The following ZNF829 variants were observed in gnomAD, a reference collection of about 807,000 sequenced individuals.
The protein encoded by ZNF829 is zinc finger protein 829.
ZNF829 carries 25 observed loss-of-function variants against 35.2 expected under a neutral mutation model. The ratio of observed to expected loss-of-function variants is 0.71; its 90% confidence interval spans 0.52 to 0.99. The LOEUF is 0.99. Among genes scored for constraint, ZNF829 ranks in the 50% least tolerant of loss-of-function variants. The probability of loss-of-function intolerance (pLI) is 0.00; values close to 1 mark genes in which losing one functional copy is unlikely to be tolerated. For synonymous variants in ZNF829, 136 were observed against 163.2 expected (o/e 0.83, Z 1.27); for missense variants, 417 against 515.3 (o/e 0.81, Z 1.85).
rs936100285 is a variant in ZNF829, at chr19:36,891,172, T to C, written c.*320A>G. 3.8e-5 allele frequency: 9 copies of C among 233,772 alleles called. No homozygotes were observed. The East Asian group carries it at 5.5e-4, about 14-fold the overall frequency. 14.5% of individuals were successfully genotyped at this position (233,772 alleles called of 1,614,324 possible). A position where few individuals can be genotyped will look rare whatever the true frequency, so the allele number is the denominator to read the frequency against. On this transcript the variant is annotated 3_prime_UTR_variant, in exon 6 of 6. Coordinates refer to ENST00000391711, the MANE Select transcript of ZNF829 (RefSeq NM_001037232.4). ...TGGAGGCAGAGATTGGAATGGTGTATGTAAAAGCCATGGAATGCCAAGGAC... is the reference window on the plus strand; with the variant it reads ...TGGAGGCAGAGATTGGAATGGTGTACGTAAAAGCCATGGAATGCCAAGGAC...
chr19:36,901,782 G>C, intron 5 of ZNF829: 1 of 579,920 alleles, frequency 1.7e-6, no homozygotes, highest in Non-Finnish European at 3.2e-6. Flanking sequence ...AAAAAGGGCC[G>C]TTCTGCCATC....
chr19:36,897,136 A>G (rs2073120513), intron 5 of ZNF829, among the ~76,000 whole-genome samples: 2 of 152,196 alleles, frequency 1.3e-5, no homozygotes, highest in South Asian at 4.1e-4. Flanking sequence ...ATTACAAATA[A>G]CTAACCTCAG....
At chr19:36,900,870 TAAC>T (rs2073159709) in intron 5 of ZNF829, among the ~76,000 whole-genome samples, 1 of 136,428 alleles carries the variant, frequency 7.3e-6, no homozygotes, top group Admixed American at 7.2e-5. Flanking sequence ...AAAAAAAAGA[TAAC>T]AAGTGTTAGC....
At chr19:36,900,355 C>T (rs1340612054) in intron 5 of ZNF829, among the ~76,000 whole-genome samples, 2 of 139,548 alleles carry the variant, frequency 1.4e-5, no homozygotes, top group Non-Finnish European at 1.5e-5. Flanking sequence ...GAGACTCTGT[C>T]TTAAAAAAAA....
intron 5 of ZNF829, among the ~76,000 whole-genome samples, chr19:36,894,297 A>G (rs1273182364): frequency 6.6e-6 from 1 of 152,220 alleles, no homozygotes; most frequent in African/African-American, 2.4e-5. Context: ...CTACAGGAAA[A>G]AGGTTTTCCT....
chr19:36,908,299 C>T, intron 4 of ZNF829, 34 bp downstream of exon 4: 1 of 1,592,500 alleles, frequency 6.3e-7, no homozygotes, highest in Non-Finnish European at 8.5e-7. Flanking sequence ...CTTCCAAGGG[C>T]ACACTCTGAA....
intron 5 of ZNF829, chr19:36,906,191 G>A (rs1168567346): frequency 6.6e-6 from 1 of 151,910 alleles, no homozygotes; most frequent in Non-Finnish European, 1.5e-5. Flanking sequence ...TTCCTATCCA[G>A]GACACAAAAA....
At chr19:36,899,758 CAA>C (rs201383048) in intron 5 of ZNF829, among the ~76,000 whole-genome samples, 1 of 130,092 alleles carries the variant, frequency 7.7e-6, no homozygotes, top group Non-Finnish European at 1.6e-5. Flanking sequence ...TTACCCTAAA[CAA>C]AAAAAAAAAG....
At chr19:36,892,865 T>G in intron 5 of ZNF829, 1 of 1,154,756 alleles carries the variant, frequency 8.7e-7, no homozygotes, top group Non-Finnish European at 1.1e-6. Context: ...CTCCTCGTCG[T>G]ACAGCTTGTG....
chr19:36,908,477 C>G lies in ZNF829; in HGVS notation c.97-18G>C. On this transcript the variant is annotated intron_variant, in intron 3 of 5. Transcript: ENST00000391711. ...ACCGGCCCCTGAAACAACAAACATG[C>G]TTTCACAATGAAAGGAGAAAAGAAA... 4 of 1,578,336 alleles carry G rather than the reference C, an allele frequency of 2.5e-6. No individual in the cohort carries two copies. The highest frequency in any genetic ancestry group is 3.4e-6 in the Non-Finnish European group (4 of 1,165,398).
intron 5 of ZNF829, among the ~76,000 whole-genome samples, chr19:36,897,803 A>G (rs1699212438): frequency 6.6e-6 from 1 of 152,250 alleles, no homozygotes; most frequent in African/African-American, 2.4e-5. Flanking sequence ...AAAAACCTAA[A>G]GATGCCACCA....
chr19:36,908,199 TA>T, intron 4 of ZNF829, 133 bp downstream of exon 4: 1 of 1,349,728 alleles, frequency 7.4e-7, no homozygotes, highest in Non-Finnish European at 1.0e-6. Context: ...TCTTCCATTC[TA>T]TTTTAACTCA....
Position 36,892,010 on chromosome 19 carries a change from TTC to T in ZNF829, c.779_780del (p.Arg260AsnfsTer5). 6.2e-7 allele frequency: 1 copy of T among 1,613,882 alleles called. No homozygotes were observed. Reference sequence around the variant, plus strand: ...TCATAGGGTTTCTCACCAGTGTGAATTCTCTGATGATCATTAAGGTTTGAGCA... The same window carrying T: ...TCATAGGGTTTCTCACCAGTGTGAATTCTGATGATCATTAAGGTTTGAGCA... ...KYCSNLNDHQRIHTGEKPYEC... is the reference protein window; with the variant it reads ...KYCSNLNDHQXIHTGEKPYEC... On this transcript the variant is annotated frameshift_variant, in exon 6 of 6. Coordinates refer to ENST00000391711, the MANE Select transcript of ZNF829 (RefSeq NM_001037232.4). LOFTEE classifies it high-confidence loss of function.
At chr19:36,900,334 G>A (rs2073154449) in intron 5 of ZNF829, among the ~76,000 whole-genome samples, 1 of 150,924 alleles carries the variant, frequency 6.6e-6, no homozygotes, top group Admixed American at 6.6e-5. Flanking sequence ...CTTCAGCCTG[G>A]GTGACAGAGT....
chr19:36,916,079 A>G lies in ZNF829; in HGVS notation c.-153T>C. 1.3e-6 allele frequency: 1 copy of G among 742,942 alleles called. No individual in the cohort carries two copies. The allele number at this position is 742,942 out of a possible 1,614,324, so 46.0% of individuals were successfully genotyped here. A position where few individuals can be genotyped will look rare whatever the true frequency, so the allele number is the denominator to read the frequency against. On this transcript the variant is annotated 5_prime_UTR_variant, in exon 1 of 6. Coordinates refer to ENST00000391711, the MANE Select transcript of ZNF829 (RefSeq NM_001037232.4). The surrounding 1 kb of genome is among the most constrained non-coding windows in gnomAD (Gnocchi z 5.3). ...ATTCCTGCGAGAAAAGTGGCAGGCC[A>G]CCAGGCCCTCTGGGAAATGTAGTCC...
intron 3 of ZNF829, among the ~76,000 whole-genome samples, chr19:36,910,863 C>T (rs1383872277): frequency 6.6e-6 from 1 of 151,938 alleles, no homozygotes; most frequent in Non-Finnish European, 1.5e-5. Context: ...AAAAAATAGC[C>T]AGGTGTCGTG....
Position 36,888,543 on chromosome 19 carries a change from G to A in ZNF829, c.*2949C>T, listed in dbSNP as rs1273196097. 3.3e-5 allele frequency: 5 copies of A among 152,064 alleles called. No homozygotes were observed. Among genetic ancestry groups the A allele is most frequent in the African/African-American group, 1.2e-4 (5 of 41,400 alleles). 9.4% of individuals were successfully genotyped at this position (152,064 alleles called of 1,614,324 possible). ...CATAATGCCCCCACCTTTTAAAAAAGCATTCTTAATTTGCCTTTTATTGTT... is the reference window on the plus strand; with the variant it reads ...CATAATGCCCCCACCTTTTAAAAAAACATTCTTAATTTGCCTTTTATTGTT... On this transcript the variant is annotated 3_prime_UTR_variant, in exon 6 of 6. Coordinates refer to ENST00000391711, the MANE Select transcript of ZNF829 (RefSeq NM_001037232.4).
chr19:36,901,312 G>A (rs2073163439), intron 5 of ZNF829, among the ~76,000 whole-genome samples: 1 of 152,110 alleles, frequency 6.6e-6, no homozygotes, highest in Non-Finnish European at 1.5e-5. Flanking sequence ...TCCAGAATAG[G>A]CAAATCCATA....
chr19:36,900,145 AACACACACACACACACACAC>A (rs56218050), intron 5 of ZNF829, among the ~76,000 whole-genome samples: 42 of 120,500 alleles, frequency 3.5e-4, no homozygotes, highest in Non-Finnish European at 3.7e-4. Flanking sequence ...GTCTCTACTA[AACACACACACACACACACAC>A]ACACACACAC....
Sources: allele counts gnomAD v4.1 joint callset (sites outside exome capture counted in the v4.1 genomes callset), GRCh38; gene constraint gnomAD v4.1.1; non-coding constraint Gnocchi (gnomAD v3.1); transcripts MANE v1.5; gene names NCBI Gene and HGNC (gene_info 2026-07-23, HGNC 2026-07-21).